Variants in CSTPP1 observed in about 807,000 individuals in gnomAD.
CSTPP1 encodes UPF0705 protein C11orf49.
the CSTPP1 span, among the ~76,000 whole-genome samples, chr11:47,087,520 G>A: frequency 6.6e-6 from 1 of 152,170 alleles, no homozygotes. Flanking sequence ...CCAATATGGT[G>A]AAACCCCATC....
At chr11:47,092,690 C>G in the CSTPP1 span, among the ~76,000 whole-genome samples, 2 of 152,314 alleles carry the variant, frequency 1.3e-5, no homozygotes, top group East Asian at 1.9e-4. Flanking sequence ...CACCTAACAT[C>G]CAGTCCAGTG....
the CSTPP1 span, among the ~76,000 whole-genome samples, chr11:46,957,811 A>G: frequency 1.3e-5 from 2 of 152,066 alleles, no homozygotes; most frequent in African/African-American, 4.8e-5. Context: ...TGATTTTTGT[A>G]TGTTATATGA....
At chr11:47,056,663 T>C in the CSTPP1 span, among the ~76,000 whole-genome samples, 2 of 152,192 alleles carry the variant, frequency 1.3e-5, no homozygotes, top group Non-Finnish European at 2.9e-5. Flanking sequence ...CCTAAAATAA[T>C]TGGTTAAGTA....
At chr11:47,027,927 CT>C in the CSTPP1 span, among the ~76,000 whole-genome samples, 39 of 134,054 alleles carry the variant, frequency 2.9e-4, no homozygotes, top group East Asian at 1.1e-3. Flanking sequence ...TTTTTTTTTT[CT>C]TTTTTTTTTT....
At chr11:47,010,903 C>A in the CSTPP1 span, among the ~76,000 whole-genome samples, 4 of 151,936 alleles carry the variant, frequency 2.6e-5, no homozygotes, top group Non-Finnish European at 5.9e-5. Context: ...TTGGAAATTG[C>A]CAATAGAGAA....
chr11:47,057,318 A>T, the CSTPP1 span, among the ~76,000 whole-genome samples: 1,359 of 152,316 alleles, frequency 8.9e-3, 19 homozygotes, highest in African/African-American at 0.029. Flanking sequence ...ACTTCTGTTT[A>T]GGGATATCGG....
chr11:47,066,569 G>T, the CSTPP1 span, among the ~76,000 whole-genome samples: 2 of 152,032 alleles, frequency 1.3e-5, no homozygotes, highest in Non-Finnish European at 2.9e-5. Context: ...GAAAATGAAT[G>T]AATACAAATT....
chr11:47,112,526 T>G, the CSTPP1 span, among the ~76,000 whole-genome samples: 3 of 152,178 alleles, frequency 2.0e-5, no homozygotes, highest in Admixed American at 6.5e-5. Context: ...TTCACCATGT[T>G]GGCCAGGCTG....
At chr11:46,961,629 T>C in the CSTPP1 span, among the ~76,000 whole-genome samples, 5 of 152,236 alleles carry the variant, frequency 3.3e-5, no homozygotes, top group African/African-American at 1.2e-4. Context: ...AGGTGTTATA[T>C]CTAAGAAATG....
At chr11:47,038,273 C>T in the CSTPP1 span, among the ~76,000 whole-genome samples, 3 of 107,978 alleles carry the variant, frequency 2.8e-5, no homozygotes, top group Non-Finnish European at 4.4e-5. Flanking sequence ...GCTGGCCGGG[C>T]GGGGGGCTGA....
the CSTPP1 span, among the ~76,000 whole-genome samples, chr11:47,125,474 T>G: frequency 6.6e-6 from 1 of 152,220 alleles, no homozygotes; most frequent in Non-Finnish European, 1.5e-5. Context: ...GTAACCCCGT[T>G]AGCCACTGCT....
chr11:46,987,230 C>T, the CSTPP1 span: 65 of 1,614,160 alleles, frequency 4.0e-5, no homozygotes, highest in South Asian at 7.1e-4. Context: ...TCCTCACCTA[C>T]ATGGAGGATG....
the CSTPP1 span, among the ~76,000 whole-genome samples, chr11:47,116,720 CG>C: frequency 8.1e-6 from 1 of 123,818 alleles, no homozygotes; most frequent in East Asian, 2.9e-4. Flanking sequence ...TGCTCTGTCA[CG>C]CAGGCTGGAG....
At chr11:47,073,752 TTTATTTCATA>T in the CSTPP1 span, among the ~76,000 whole-genome samples, 8 of 152,338 alleles carry the variant, frequency 5.3e-5, no homozygotes, top group African/African-American at 1.9e-4. Flanking sequence ...TATTGCTAAG[TTTATTTCATA>T]AGATATCTTT....
the CSTPP1 span, chr11:47,162,021 CG>C: frequency 9.9e-7 from 1 of 1,008,144 alleles, no homozygotes; most frequent in Non-Finnish European, 1.2e-6. Context: ...GGGGAGAACC[CG>C]AATAGCCACG....
the CSTPP1 span, among the ~76,000 whole-genome samples, chr11:47,124,422 T>C: frequency 6.6e-6 from 1 of 152,110 alleles, no homozygotes; most frequent in Non-Finnish European, 1.5e-5. Flanking sequence ...GCCTTAATGG[T>C]CTTACTTTTA....
At chr11:47,116,568 T>A in the CSTPP1 span, among the ~76,000 whole-genome samples, 1 of 152,156 alleles carries the variant, frequency 6.6e-6, no homozygotes, top group East Asian at 1.9e-4. Flanking sequence ...TTTACCATTA[T>A]GTAATGGCCT....
the CSTPP1 span, among the ~76,000 whole-genome samples, chr11:47,077,527 G>T: frequency 6.6e-6 from 1 of 152,120 alleles, no homozygotes; most frequent in Non-Finnish European, 1.5e-5. Flanking sequence ...GATGGGCAGG[G>T]TTTCATAAAC....
chr11:47,090,465 T>TG, the CSTPP1 span, among the ~76,000 whole-genome samples: 1 of 150,900 alleles, frequency 6.6e-6, no homozygotes, highest in Non-Finnish European at 1.5e-5. Flanking sequence ...TGTCTTAAGA[T>TG]GGAAAAAAAA....
Sources: allele counts gnomAD v4.1 joint callset (sites outside exome capture counted in the v4.1 genomes callset), GRCh38; gene constraint gnomAD v4.1.1; transcripts MANE v1.5; gene names NCBI Gene and HGNC (gene_info 2026-07-23, HGNC 2026-07-21).